AGAP1: variants seen among roughly 807,000 people sequenced by gnomAD.
AGAP1 encodes the protein ArfGAP with GTPase domain, ankyrin repeat and PH domain 1, also known as arf-GAP with GTPase, ANK repeat and PH domain-containing protein 1.
AGAP1 carries 29 observed loss-of-function variants against 105.3 expected under a neutral mutation model. The observed-to-expected ratio is 0.28, with a 90% confidence interval of 0.21 to 0.38. The LOEUF (loss-of-function observed/expected upper bound fraction) is 0.38, where lower values mean the gene tolerates loss of function less well. Among genes scored for constraint, AGAP1 ranks in the 10% least tolerant of loss-of-function variants. The probability of loss-of-function intolerance (pLI) is 1.00; values close to 1 mark genes in which losing one functional copy is unlikely to be tolerated. For missense variants in AGAP1, 998 were observed against 1,165.1 expected (o/e 0.86, Z 2.09); for synonymous variants, 509 against 485.9 (o/e 1.05, Z -0.63).
chr2:235,910,272 G>C (rs1311553731), intron 11 of AGAP1, among the ~76,000 whole-genome samples: 1 of 152,306 alleles, frequency 6.6e-6, no homozygotes, highest in Non-Finnish European at 1.5e-5. Flanking sequence ...GCTCTTGCCT[G>C]GCCTGCCTGT....
Position 235,642,900 on chromosome 2 carries a change from C to T in AGAP1, c.164-66279C>T, listed in dbSNP as rs1017307604. Among the ~76,000 whole-genome samples the T allele has an allele frequency of 3.3e-5, 5 of 152,128 alleles. No homozygotes were observed. Among genetic ancestry groups the T allele is most frequent in the South Asian group, 2.1e-4 (1 of 4,824 alleles). On this transcript the variant is annotated intron_variant, in intron 1 of 17. Coordinates refer to ENST00000304032, the MANE Select transcript of AGAP1 (RefSeq NM_001037131.3). The surrounding 1 kb of genome is among the most constrained non-coding windows in gnomAD (Gnocchi z 4.1). ...TGGCCTAGACTGTGGTGTTTGGGGC[C>T]GCCTGTCTGTAATGTGCTGCCATGA...
Position 235,999,302 on chromosome 2 carries a change from ATGGTGATGGTGG to A in AGAP1, c.1645+30685_1645+30696del, listed in dbSNP as rs1213107254. ...ACGATGCTGAGAGGTGGTGGTGGTG[ATGGTGATGGTGG>A]TGGTGGTGGTGGTGGTGATGATGAT... On this transcript the variant is annotated intron_variant, in intron 13 of 17. Transcript: ENST00000304032. Among the ~76,000 whole-genome samples the A allele has an allele frequency of 1.2e-3, 48 of 39,464 alleles. 1 individual carries two copies. The African/African-American group carries it at 0.014, about 11-fold the overall frequency. The allele number at this position is 39,464 out of a possible 152,430, so 25.9% of individuals were successfully genotyped here. A position where few individuals can be genotyped will look rare whatever the true frequency, so the allele number is the denominator to read the frequency against.
intron 12 of AGAP1, among the ~76,000 whole-genome samples, chr2:235,940,137 C>T (rs1212642507): frequency 6.6e-6 from 1 of 152,186 alleles, no homozygotes; most frequent in African/African-American, 2.4e-5. Context: ...CACACCCTCC[C>T]TCGGCCTCAC....
chr2:235,979,610 TC>T lies in AGAP1; in HGVS notation c.1645+10989del, dbSNP rs1440306161. ...GTGAAAGAACAGGCGCAGCGAACGT[TC>T]CGGCAGGCATTGCCGTGCACGGACA... On this transcript the variant is annotated intron_variant, in intron 13 of 17. Coordinates refer to ENST00000304032, the MANE Select transcript of AGAP1 (RefSeq NM_001037131.3). The surrounding 1 kb of genome is among the most constrained non-coding windows in gnomAD (Gnocchi z 4.5). Among the ~76,000 whole-genome samples, 1 of 152,146 alleles carries T rather than the reference TC, an allele frequency of 6.6e-6. No individual in the cohort carries two copies. Among genetic ancestry groups the T allele is most frequent in the Non-Finnish European group, 1.5e-5 (1 of 68,026 alleles).
At chr2:235,809,566 C>G (rs1464817249) in intron 9 of AGAP1, among the ~76,000 whole-genome samples, 1 of 152,156 alleles carries the variant, frequency 6.6e-6, no homozygotes, top group Non-Finnish European at 1.5e-5. Flanking sequence ...TGTGGAGGTT[C>G]CACAGAGAAT....
rs1330156596 is a variant in AGAP1, at chr2:235,889,701, A to T, written c.1155+6252A>T. ...AATCTACATACCCTTCCTACACCAC[A>T]GATAGAAGATATGGAGGGAAACCTT... On this transcript the variant is annotated intron_variant, in intron 10 of 17. Coordinates refer to ENST00000304032, the MANE Select transcript of AGAP1 (RefSeq NM_001037131.3). The surrounding 1 kb of genome is among the most constrained non-coding windows in gnomAD (Gnocchi z 4.6). Among the ~76,000 whole-genome samples, 1 of 152,078 alleles carries T rather than the reference A, an allele frequency of 6.6e-6. No homozygotes were observed. The highest frequency in any genetic ancestry group is 1.5e-5 in the Non-Finnish European group (1 of 68,020).
chr2:235,962,945 G>GT lies in AGAP1; in HGVS notation c.1484-5516dup, dbSNP rs576627395. ...CTCCAGCCATTGCCAGAGGTCCTGGGTGGGGGTTCCTGGAGAACCGGTGGA... is the reference window on the plus strand; with the variant it reads ...CTCCAGCCATTGCCAGAGGTCCTGGGTTGGGGGTTCCTGGAGAACCGGTGGA... On this transcript the variant is annotated intron_variant, in intron 12 of 17. Transcript: ENST00000304032. The surrounding 1 kb of genome is among the most constrained non-coding windows in gnomAD (Gnocchi z 5.3). Among the ~76,000 whole-genome samples, 90 of 152,288 alleles carry GT rather than the reference G, an allele frequency of 5.9e-4. 1 individual carries two copies. The East Asian group carries it at 0.017, about 29-fold the overall frequency.
chr2:235,523,962 G>C (rs963888991), intron 1 of AGAP1, among the ~76,000 whole-genome samples: 1 of 151,988 alleles, frequency 6.6e-6, no homozygotes, highest in African/African-American at 2.4e-5. Flanking sequence ...GGCCGGGGGC[G>C]GTGGCCTTGG....
At chr2:236,094,974 C>G (rs2125883894) in intron 16 of AGAP1, among the ~76,000 whole-genome samples, 1 of 150,850 alleles carries the variant, frequency 6.6e-6, no homozygotes, top group Non-Finnish European at 1.5e-5. Flanking sequence ...CGGCGCATGC[C>G]TGTGGTCCCA....
rs3754658 is a variant in AGAP1 at position 236,042,083 on chromosome 2, A to G, written c.1891+1242A>G. Among the ~76,000 whole-genome samples, 38,795 of 152,086 alleles carry G rather than the reference A, an allele frequency of 0.26. 5,908 individuals carry two copies. The highest frequency in any genetic ancestry group is 0.42 in the African/African-American group (17,524 of 41,482). On this transcript the variant is annotated intron_variant, in intron 15 of 17. Coordinates refer to ENST00000304032, the MANE Select transcript of AGAP1 (RefSeq NM_001037131.3). This position sits in a 1 kb window ranked among gnomAD's most constrained non-coding sequence, Gnocchi z 5.6. The stretch of plus-strand genomic sequence containing the variant: ...CTTTGTTCTTCATTTGTAAGCAGAG[A>G]GACATCATTGGAGTTTTAGAGCAGG...
intron 1 of AGAP1, among the ~76,000 whole-genome samples, chr2:235,681,211 G>A (rs1037555296): frequency 2.0e-5 from 3 of 152,068 alleles, no homozygotes; most frequent in African/African-American, 2.4e-5. Flanking sequence ...GGGCTTCACC[G>A]TGTTAGCCAG....
At position 235,883,367 on chromosome 2, in the gene AGAP1, G is replaced by T. The variant is rs551951357; in HGVS notation, c.1073G>T (p.Gly358Val). ...IKQGMLLKRS[G>V]KSLNKEWKKK... ...TAGGGCATGCTGTTGAAGCGAAGTG[G>T]CAAATCGTTGAATAAAGAGTGGAAA... The change falls in exon 10 of 18, where the codon GGC becomes GTC. Residue 358 changes from glycine to valine, a missense_variant. By Grantham distance (109) the Gly-to-Val change is moderately radical (BLOSUM62 -3). This residue lies in a region of AGAP1 where 735 missense variants were observed against 833.4 expected (regional missense o/e 0.88). Coordinates refer to ENST00000304032, the MANE Select transcript of AGAP1 (RefSeq NM_001037131.3). This position sits in a 1 kb window ranked among gnomAD's most constrained non-coding sequence, Gnocchi z 4.5. The T allele has an allele frequency of 2.5e-6, 4 of 1,614,010 alleles. No homozygotes were observed. Among genetic ancestry groups the T allele is most frequent in the Non-Finnish European group, 3.4e-6 (4 of 1,179,984 alleles).
rs1300774493 is a variant in AGAP1 at position 235,808,050 on chromosome 2, A to T, written c.1050+719A>T. On this transcript the variant is annotated intron_variant, in intron 9 of 17. Transcript: ENST00000304032. Reference sequence around the variant, plus strand: ...CACTTTATATCTCCAATAAGAAAAAAAAAAAACCCTGGAGTCCACGTGTGA... The same window carrying T: ...CACTTTATATCTCCAATAAGAAAAATAAAAAACCCTGGAGTCCACGTGTGA... 2.0e-5 allele frequency among the ~76,000 whole-genome samples: 3 copies of T among 152,198 alleles called. No individual in the cohort carries two copies. The East Asian group carries it at 5.8e-4, about 29-fold the overall frequency.
rs74393897 is a variant in AGAP1, at chr2:235,582,683, C to T, written c.163+87834C>T. On this transcript the variant is annotated intron_variant, in intron 1 of 17. Transcript: ENST00000304032. This position sits in a 1 kb window ranked among gnomAD's most constrained non-coding sequence, Gnocchi z 4.7. ...TACTTCAGAAGGAAGGATTTAGCTGCTGGAGTGATGGCCGAAGGAGCCTGG... is the reference window on the plus strand; with the variant it reads ...TACTTCAGAAGGAAGGATTTAGCTGTTGGAGTGATGGCCGAAGGAGCCTGG... Among the ~76,000 whole-genome samples, 6,958 of 152,354 alleles carry T rather than the reference C, an allele frequency of 0.046. 239 individuals are homozygous for T. Among genetic ancestry groups the T allele is most frequent in the Admixed American group, 0.096 (1,475 of 15,306 alleles).
intron 11 of AGAP1, among the ~76,000 whole-genome samples, chr2:235,917,119 A>C (rs1389817378): frequency 1.3e-5 from 2 of 152,122 alleles, no homozygotes; most frequent in African/African-American, 4.8e-5. Context: ...AACCAGATTG[A>C]TGCTTAGACC....
chr2:236,098,620 C>CTGTTTTTTTTTTTTTTTT (rs2059253411), intron 16 of AGAP1, among the ~76,000 whole-genome samples: 2 of 115,256 alleles, frequency 1.7e-5, no homozygotes, highest in African/African-American at 3.9e-5. Context: ...TCTTTTTTTC[C>CTGTTTTTTTTTTTTTTTT]TTTTTTTTTT....
chr2:235,495,004 C>T (rs949321588), intron 1 of AGAP1, among the ~76,000 whole-genome samples, 155 bp downstream of exon 1: 53 of 152,152 alleles, frequency 3.5e-4, no homozygotes, highest in African/African-American at 1.3e-3. Flanking sequence ...TCTTGCAAGG[C>T]CGGGCGAGCG....
In AGAP1 at chr2:236,062,576, A is replaced by G. The variant is rs966202530; in HGVS notation, c.2114+13295A>G. 1.3e-5 allele frequency among the ~76,000 whole-genome samples: 2 copies of G among 152,170 alleles called. No individual in the cohort carries two copies. Among genetic ancestry groups the G allele is most frequent in the African/African-American group, 4.8e-5 (2 of 41,446 alleles). On this transcript the variant is annotated intron_variant, in intron 16 of 17. Coordinates refer to ENST00000304032, the MANE Select transcript of AGAP1 (RefSeq NM_001037131.3). The surrounding 1 kb of genome is among the most constrained non-coding windows in gnomAD (Gnocchi z 4.2). ...CTGCAACCCCAGACTCCCAGGCTCA[A>G]GCAATCCTACCTAGTCAGCCTCCCA...
Position 235,614,410 on chromosome 2 carries a change from G to A in AGAP1, c.164-94769G>A, listed in dbSNP as rs1946240490. ...TAGGAGTGTGTGTCATCCCAGAGGA[G>A]CAGCAGCAAACGGCCTGTGATGGGC... On this transcript the variant is annotated intron_variant, in intron 1 of 17. Transcript: ENST00000304032. The surrounding 1 kb of genome is among the most constrained non-coding windows in gnomAD (Gnocchi z 4.7). 6.6e-6 allele frequency among the ~76,000 whole-genome samples: 1 copy of A among 152,154 alleles called. No homozygotes were observed. The highest frequency in any genetic ancestry group is 6.5e-5 in the Admixed American group (1 of 15,280).
Sources: gnomAD v4.1 joint callset for allele counts (sites outside exome capture counted in the v4.1 genomes callset) on GRCh38, gnomAD v4.1.1 for gene constraint, gnomAD v4.1.1 regional missense constraint, Gnocchi (gnomAD v3.1) non-coding constraint, MANE v1.5 for transcripts, NCBI Gene and HGNC (gene_info 2026-07-23, HGNC 2026-07-21) for gene names.